PTPRD: variants seen among roughly 807,000 people sequenced by gnomAD.
PTPRD encodes the protein receptor-type tyrosine-protein phosphatase delta.
PTPRD carries 34 observed loss-of-function variants against 214.5 expected under a neutral mutation model. The ratio of observed to expected loss-of-function variants is 0.16; its 90% CI spans 0.12 to 0.21. The LOEUF is 0.21. Ranked by LOEUF, PTPRD falls within the 10% of genes least tolerant of loss-of-function variation. The pLI, the probability that PTPRD is intolerant of heterozygous loss-of-function variation, is 1.00. For synonymous variants in PTPRD, 1,128 were observed against 845.7 expected, an observed-to-expected ratio of 1.33 and a Z score of -5.79; for missense variants, 2,545 against 2,398.7, an observed-to-expected ratio of 1.06 and a Z score of -1.27.
intron 4 of PTPRD, among the ~76,000 whole-genome samples, chr9:9,952,032 A>T (rs1191339910): frequency 6.6e-6 from 1 of 152,180 alleles, no homozygotes; most frequent in African/African-American, 2.4e-5. Flanking sequence ...AGATGCTGGA[A>T]TATTTTTGGC....
chr9:9,959,294 C>T (rs549481467), intron 4 of PTPRD, among the ~76,000 whole-genome samples: 2 of 152,130 alleles, frequency 1.3e-5, no homozygotes, highest in Admixed American at 1.3e-4. Context: ...AAAGGCAAAA[C>T]TTGTAGAAAT....
chr9:10,531,585 T>C (rs1171544761), intron 2 of PTPRD, among the ~76,000 whole-genome samples: 1 of 152,200 alleles, frequency 6.6e-6, no homozygotes, highest in Non-Finnish European at 1.5e-5. Flanking sequence ...GAATTGTAGC[T>C]TGTAAATCAT....
At chr9:9,221,833 G>A (rs139280212) in intron 9 of PTPRD, among the ~76,000 whole-genome samples, 140 of 152,026 alleles carry the variant, frequency 9.2e-4, no homozygotes, top group African/African-American at 3.2e-3. Flanking sequence ...ACAAGATTAC[G>A]GCATGATGTT....
chr9:9,194,852 G>A (rs2099937348), intron 9 of PTPRD, among the ~76,000 whole-genome samples: 1 of 151,922 alleles, frequency 6.6e-6, no homozygotes, highest in Non-Finnish European at 1.5e-5. Flanking sequence ...CAATGCAGTT[G>A]GGTTCTAGTA....
At chr9:8,762,954 GAC>G (rs934402516) in intron 11 of PTPRD, among the ~76,000 whole-genome samples, 1 of 152,152 alleles carries the variant, frequency 6.6e-6, no homozygotes, top group Non-Finnish European at 1.5e-5. Context: ...CTTCCAGCGT[GAC>G]ACTGAAATGC....
intron 4 of PTPRD, among the ~76,000 whole-genome samples, chr9:9,946,802 T>A (rs1225285454): frequency 1.3e-5 from 2 of 152,026 alleles, no homozygotes; most frequent in East Asian, 3.9e-4. Flanking sequence ...TATCAAGGGA[T>A]TTTAACGATA....
intron 9 of PTPRD, among the ~76,000 whole-genome samples, chr9:9,376,273 C>T (rs1453821247): frequency 6.6e-6 from 1 of 152,086 alleles, no homozygotes; most frequent in Non-Finnish European, 1.5e-5. Flanking sequence ...CAAACAAATG[C>T]CTGGATGACC....
At chr9:8,781,405 G>A (rs1229219465) in intron 11 of PTPRD, among the ~76,000 whole-genome samples, 3 of 152,122 alleles carry the variant, frequency 2.0e-5, no homozygotes, top group African/African-American at 7.2e-5. Flanking sequence ...GGAGATAAAG[G>A]TAGTAAGGGA....
chr9:9,238,428 T>C (rs887087890), intron 9 of PTPRD, among the ~76,000 whole-genome samples: 5 of 152,238 alleles, frequency 3.3e-5, no homozygotes, highest in Middle Eastern at 3.4e-3. Flanking sequence ...TTTGGAGTTA[T>C]AGGTGTCTGG....
chr9:10,001,486 A>T (rs962998524), intron 4 of PTPRD, among the ~76,000 whole-genome samples: 4 of 152,172 alleles, frequency 2.6e-5, no homozygotes, highest in Admixed American at 2.6e-4. Context: ...CAGTAGACAA[A>T]GATAATCTTA....
intron 11 of PTPRD, among the ~76,000 whole-genome samples, chr9:8,782,125 A>ATTG (rs1491049974): frequency 7.2e-5 from 8 of 111,616 alleles, no homozygotes; most frequent in East Asian, 2.2e-4. Context: ...ATGGTATAAA[A>ATTG]CATACCATAA....
intron 3 of PTPRD, among the ~76,000 whole-genome samples, chr9:10,289,575 G>T (rs1005764039): frequency 6.6e-6 from 1 of 152,104 alleles, no homozygotes; most frequent in African/African-American, 2.4e-5. Flanking sequence ...CCCGCCATTT[G>T]TGCTAATATT....
chr9:9,925,612 G>C (rs1460064730), intron 5 of PTPRD, among the ~76,000 whole-genome samples: 1 of 150,974 alleles, frequency 6.6e-6, no homozygotes, highest in South Asian at 2.1e-4. Flanking sequence ...TCAGCATTCA[G>C]ATGACAAAAT....
chr9:10,309,120 A>T (rs2096186857), intron 3 of PTPRD, among the ~76,000 whole-genome samples: 1 of 152,066 alleles, frequency 6.6e-6, no homozygotes, highest in Non-Finnish European at 1.5e-5. Flanking sequence ...GCAACTCAGC[A>T]TCCTTTTCAA....
chr9:9,489,848 T>C lies in PTPRD; in HGVS notation c.-237+84884A>G, dbSNP rs1280082021. Among the ~76,000 whole-genome samples the C allele has an allele frequency of 3.3e-5, 5 of 151,892 alleles. No homozygotes were observed. The East Asian group carries it at 5.8e-4, about 18-fold the overall frequency. On this transcript the variant is annotated intron_variant, in intron 8 of 45. Coordinates refer to ENST00000381196, the MANE Select transcript of PTPRD (RefSeq NM_002839.4). ...AAAGATGAAAAAATATTTAATGAAA[T>C]AGAGTCTAAAATGTTTCCAAATTTG...
At chr9:8,709,004 A>C (rs1312650947) in intron 12 of PTPRD, among the ~76,000 whole-genome samples, 1 of 152,124 alleles carries the variant, frequency 6.6e-6, no homozygotes, top group Non-Finnish European at 1.5e-5. Context: ...GCACAAAAAG[A>C]CAAATACTCC....
chr9:9,435,634 G>A (rs2084938474), intron 8 of PTPRD, among the ~76,000 whole-genome samples: 1 of 151,966 alleles, frequency 6.6e-6, no homozygotes, highest in East Asian at 1.9e-4. Flanking sequence ...CTATTTTCCA[G>A]CAAGCACATG....
intron 2 of PTPRD, among the ~76,000 whole-genome samples, chr9:10,424,235 T>C (rs895928127): frequency 6.6e-6 from 1 of 151,382 alleles, no homozygotes; most frequent in African/African-American, 2.4e-5. Context: ...TCAGGTAGAA[T>C]GATTAATAAG....
intron 11 of PTPRD, among the ~76,000 whole-genome samples, chr9:8,989,983 GA>G (rs1178518290): frequency 3.3e-5 from 5 of 152,088 alleles, no homozygotes; most frequent in Non-Finnish European, 7.4e-5. Context: ...AAACTTATTT[GA>G]AAATGAACTA....
Sources: gnomAD v4.1 joint callset for allele counts (sites outside exome capture counted in the v4.1 genomes callset) on GRCh38, gnomAD v4.1.1 for gene constraint, MANE v1.5 for transcripts, NCBI Gene and HGNC (gene_info 2026-07-23, HGNC 2026-07-21) for gene names.